NCKAP5: variants seen among roughly 807,000 people sequenced by gnomAD.
NCKAP5 encodes nck-associated protein 5.
Under a neutral mutation model 167.0 loss-of-function variants are expected in NCKAP5, and 92 were observed. The observed-to-expected ratio is 0.55, with a 90% CI of 0.47 to 0.66. The LOEUF (loss-of-function observed/expected upper bound fraction) is 0.66, where lower values mean the gene tolerates loss of function less well. NCKAP5 is among the 30% of genes least tolerant of loss of function. The probability of loss-of-function intolerance (pLI) is 0.00; values close to 1 mark genes in which losing one functional copy is unlikely to be tolerated. For synonymous variants in NCKAP5, 891 were observed against 877.4 expected (o/e 1.02, Z -0.27); for missense variants, 2,378 against 2,315.0 (o/e 1.03, Z -0.56).
chr2:132,738,834 C>G (rs1691765231), intron 16 of NCKAP5, among the ~76,000 whole-genome samples: 1 of 152,006 alleles, frequency 6.6e-6, no homozygotes, highest in Non-Finnish European at 1.5e-5. Flanking sequence ...TTTTAAACAA[C>G]AGCTCTCGTG....
chr2:132,845,828 G>C lies in NCKAP5; in HGVS notation c.807+14664C>G, dbSNP rs1261941681. ...GACAAGTCCCATAAAAAATTGTGTTGTATTTTGATTGAAAATGCATTTAAT... is the reference window on the plus strand; with the variant it reads ...GACAAGTCCCATAAAAAATTGTGTTCTATTTTGATTGAAAATGCATTTAAT... On this transcript the variant is annotated intron_variant, in intron 11 of 19. Transcript: ENST00000409261. Among the ~76,000 whole-genome samples the C allele has an allele frequency of 2.0e-5, 3 of 152,086 alleles. No individual in the cohort carries two copies. The East Asian group carries it at 5.8e-4, about 29-fold the overall frequency.
chr2:133,207,954 G>A (rs1277159386), intron 5 of NCKAP5, among the ~76,000 whole-genome samples: 3 of 152,168 alleles, frequency 2.0e-5, no homozygotes, highest in African/African-American at 7.2e-5. Flanking sequence ...GAGTACAGGA[G>A]AGAAAGGGTG....
chr2:133,081,817 C>T (rs1481040712), intron 6 of NCKAP5, among the ~76,000 whole-genome samples: 1 of 152,084 alleles, frequency 6.6e-6, no homozygotes, highest in African/African-American at 2.4e-5. Flanking sequence ...AAGGTAGTAA[C>T]AATGACATCT....
At chr2:132,747,014 G>A (rs879780630) in intron 16 of NCKAP5, among the ~76,000 whole-genome samples, 1 of 152,076 alleles carries the variant, frequency 6.6e-6, no homozygotes, top group Non-Finnish European at 1.5e-5. Flanking sequence ...GTATTTTGGG[G>A]TGATGAAAGT....
the NCKAP5 span, among the ~76,000 whole-genome samples, chr2:133,604,053 A>T: frequency 1.3e-5 from 2 of 152,224 alleles, no homozygotes. Context: ...GCTTCTTTGC[A>T]GTGCCTGAGA....
At chr2:132,939,017 T>C (rs1697068702) in intron 8 of NCKAP5, among the ~76,000 whole-genome samples, 3 of 152,252 alleles carry the variant, frequency 2.0e-5, no homozygotes, top group East Asian at 1.9e-4. Flanking sequence ...TGTATATTCA[T>C]GTTTAGTTTT....
chr2:133,316,456 T>G (rs1011744335), intron 3 of NCKAP5, among the ~76,000 whole-genome samples: 4 of 152,196 alleles, frequency 2.6e-5, no homozygotes, highest in Non-Finnish European at 5.9e-5. Flanking sequence ...AAAAATTTTG[T>G]TTCGTTTTTA....
Position 133,483,115 on chromosome 2 carries a change from A to G in NCKAP5, c.69+34343T>C, listed in dbSNP as rs146417997. Among the ~76,000 whole-genome samples, 377 of 152,250 alleles carry G rather than the reference A, an allele frequency of 2.5e-3. 3 individuals are homozygous for G. The highest frequency in any genetic ancestry group is 8.7e-3 in the African/African-American group (363 of 41,548). ...CTAGCTATTGTCCTTCTTCTTATCTATCATCTGTTTTTCTATCATTTATCA... is the reference window on the plus strand; with the variant it reads ...CTAGCTATTGTCCTTCTTCTTATCTGTCATCTGTTTTTCTATCATTTATCA... On this transcript the variant is annotated intron_variant, in intron 3 of 19. Coordinates refer to ENST00000409261, the MANE Select transcript of NCKAP5 (RefSeq NM_207363.3).
At chr2:132,856,376 A>G (rs1341297890) in intron 11 of NCKAP5, among the ~76,000 whole-genome samples, 1 of 151,526 alleles carries the variant, frequency 6.6e-6, no homozygotes, top group Non-Finnish European at 1.5e-5. Context: ...AAGCCCTCTC[A>G]TCTTACTGGA....
intron 7 of NCKAP5, among the ~76,000 whole-genome samples, chr2:132,973,631 A>C (rs1035355937): frequency 4.6e-5 from 7 of 152,164 alleles, no homozygotes; most frequent in African/African-American, 1.7e-4. Context: ...AATTTCATTA[A>C]GATTAGACCT....
intron 6 of NCKAP5, among the ~76,000 whole-genome samples, chr2:133,071,731 T>C (rs2080412666): frequency 6.6e-6 from 1 of 152,178 alleles, no homozygotes; most frequent in Admixed American, 6.5e-5. Flanking sequence ...ACACTAGTTT[T>C]GAAATTCAGC....
intron 11 of NCKAP5, among the ~76,000 whole-genome samples, chr2:132,852,989 T>TAC (rs1689189001): frequency 6.6e-6 from 1 of 152,220 alleles, no homozygotes. Flanking sequence ...GCTAGTACAC[T>TAC]ACCAAGGACA....
chr2:133,387,761 G>A (rs903309339), intron 3 of NCKAP5, among the ~76,000 whole-genome samples: 8 of 151,726 alleles, frequency 5.3e-5, no homozygotes, highest in South Asian at 4.2e-4. Flanking sequence ...CTTTTTTCTC[G>A]AAATTTCTCT....
chr2:133,148,785 A>C (rs892648755), intron 5 of NCKAP5, among the ~76,000 whole-genome samples: 1 of 152,102 alleles, frequency 6.6e-6, no homozygotes, highest in Non-Finnish European at 1.5e-5. Context: ...ATCCTATCAT[A>C]AGAGCTCCAC....
chr2:132,959,577 T>C (rs1174164648), intron 8 of NCKAP5, among the ~76,000 whole-genome samples: 2 of 152,124 alleles, frequency 1.3e-5, no homozygotes, highest in East Asian at 3.9e-4. Context: ...GAGTGGGGCC[T>C]GCAGACAAAC....
At chr2:133,249,047 C>A (rs186592448) in intron 4 of NCKAP5, among the ~76,000 whole-genome samples, 31 of 152,260 alleles carry the variant, frequency 2.0e-4, no homozygotes, top group Non-Finnish European at 8.8e-5. Context: ...TCCCCTTTAG[C>A]CATTCCCTTC....
At chr2:133,080,779 A>G (rs2080776293) in intron 6 of NCKAP5, among the ~76,000 whole-genome samples, 1 of 152,192 alleles carries the variant, frequency 6.6e-6, no homozygotes, top group Admixed American at 6.5e-5. Context: ...TGTAAAAATT[A>G]GCCGAAAAAG....
chr2:133,027,227 G>T (rs2078728428), intron 6 of NCKAP5, among the ~76,000 whole-genome samples: 1 of 152,140 alleles, frequency 6.6e-6, no homozygotes, highest in South Asian at 2.1e-4. Context: ...AGACAGGTCA[G>T]TTCATACACA....
At chr2:133,427,010 T>G (rs773234649) in intron 3 of NCKAP5, among the ~76,000 whole-genome samples, 1 of 152,212 alleles carries the variant, frequency 6.6e-6, no homozygotes, top group Non-Finnish European at 1.5e-5. Flanking sequence ...AAATTTTCCC[T>G]GCAGCATTTG....
Sources: allele counts gnomAD v4.1 joint callset (sites outside exome capture counted in the v4.1 genomes callset), GRCh38; gene constraint gnomAD v4.1.1; transcripts MANE v1.5; gene names NCBI Gene and HGNC (gene_info 2026-07-23, HGNC 2026-07-21).